TSC1: variants seen among roughly 807,000 people sequenced by gnomAD.
TSC1 encodes the protein hamartin.
Under a neutral mutation model 124.3 loss-of-function variants are expected in TSC1, and 20 were observed. That is an observed-to-expected ratio of 0.16 (90% CI 0.11 to 0.23). The LOEUF (loss-of-function observed/expected upper bound fraction) is 0.23. Among genes scored for constraint, TSC1 ranks in the 10% least tolerant of loss-of-function variants. TSC1 has a pLI of 1.00. For missense variants in TSC1, 1,124 were observed against 1,448.5 expected, an observed-to-expected ratio of 0.78 and a Z score of 3.64; for synonymous variants, 493 against 539.1, an observed-to-expected ratio of 0.91 and a Z score of 1.19.
chr9:132,924,674 T>C (rs958408837), intron 5 of TSC1: 2 of 152,244 alleles, frequency 1.3e-5, no homozygotes, highest in African/African-American at 4.8e-5. Context: ...TAGATTATAT[T>C]CTCACCAATC....
chr9:132,929,039 G>A (rs569721061), intron 2 of TSC1, 87 bp from the exon 3 acceptor site: 21 of 1,197,918 alleles, frequency 1.8e-5, no homozygotes, highest in African/African-American at 7.7e-5. Flanking sequence ...ACTAATGCAC[G>A]TGTTCAATGC....
intron 12 of TSC1, among the ~76,000 whole-genome samples, chr9:132,908,773 T>A (rs988816710): frequency 6.6e-6 from 1 of 152,182 alleles, no homozygotes; most frequent in Admixed American, 6.5e-5. Context: ...GTTGACAGAC[T>A]TTTCAAATAA....
At chr9:132,927,422 T>C in intron 3 of TSC1, 118 bp from the exon 4 acceptor site, 1 of 916,150 alleles carries the variant, frequency 1.1e-6, no homozygotes, top group Non-Finnish European at 1.7e-6. Context: ...TTCTAAGTTT[T>C]GTGCAGCATT....
At position 132,897,488 on chromosome 9, in the gene TSC1, C is replaced by G. The variant is rs1588290553; in HGVS notation, c.2748G>C (p.Leu916=). 1.2e-6 allele frequency: 2 copies of G among 1,613,906 alleles called. No individual in the cohort carries two copies. The highest frequency in any genetic ancestry group is 3.3e-5 in the Admixed American group (2 of 59,998). ...CCAAAAGAAGGTGGTCTTTCTTGGCCAGGTGAGATTCCAGTTCCAAAATCC... is the reference window on the plus strand; with the variant it reads ...CCAAAAGAAGGTGGTCTTTCTTGGCGAGGTGAGATTCCAGTTCCAAAATCC... ...QKRILELESH[L]AKKDHLLLEQ... Residue 916 remains leucine (L), a synonymous_variant, in exon 21 of 23, where the codon CTG becomes CTC. Transcript: ENST00000298552.
chr9:132,932,049 C>T (rs1047344108), intron 2 of TSC1, among the ~76,000 whole-genome samples: 1 of 152,208 alleles, frequency 6.6e-6, no homozygotes, highest in African/African-American at 2.4e-5. Context: ...TTGGAAGTAA[C>T]TCACCATAGA....
At chr9:132,901,772 GC>G in intron 18 of TSC1, 73 bp from the exon 19 acceptor site, 1 of 1,365,620 alleles carries the variant, frequency 7.3e-7, no homozygotes, top group Non-Finnish European at 1.0e-6. Context: ...CTAGCCACCA[GC>G]CCACAGAGGA....
At position 132,928,761 on chromosome 9, in the gene TSC1, G is replaced by C. The variant is rs746774454; in HGVS notation, c.106+6C>G. On this transcript the variant is annotated splice_donor_region_variant and intron_variant, in intron 3 of 22. Coordinates refer to ENST00000298552, the MANE Select transcript of TSC1 (RefSeq NM_000368.5). The stretch of plus-strand genomic sequence containing the variant: ...GATAAGCTAAAAAGGATATTATTTT[G>C]CTAACCAGAATTGAGGTTCTCTTTA... 1.2e-6 allele frequency: 2 copies of C among 1,613,902 alleles called. No homozygotes were observed. Among genetic ancestry groups the C allele is most frequent in the South Asian group, 1.1e-5 (1 of 91,072 alleles).
rs901778262 is a variant in TSC1, at chr9:132,896,064, C to T, written c.*171G>A. The stretch of plus-strand genomic sequence containing the variant: ...GGGAAGGTCAAGAGGCATTTCAATG[C>T]CAGATCCAAAAACCGTTCTGCATTC... On this transcript the variant is annotated 3_prime_UTR_variant, in exon 23 of 23. Transcript: ENST00000298552. The surrounding 1 kb of genome is among the most constrained non-coding windows in gnomAD (Gnocchi z 4.5). 6 of 951,396 alleles carry T rather than the reference C, an allele frequency of 6.3e-6. No individual in the cohort carries two copies. The highest frequency in any genetic ancestry group is 2.4e-5 in the East Asian group (1 of 41,294). 58.9% of individuals were successfully genotyped at this position (951,396 alleles called of 1,614,324 possible).
Position 132,905,709 on chromosome 9 carries a change from C to G in TSC1, c.1869G>C (p.Lys623Asn). The G allele has an allele frequency of 1.2e-6, 2 of 1,614,180 alleles. No individual in the cohort carries two copies. The highest frequency in any genetic ancestry group is 1.7e-6 in the Non-Finnish European group (2 of 1,180,038). Residue 623 changes from lysine to asparagine, a missense_variant, in exon 15 of 23, where the codon AAG becomes AAC. Lys to Asn is a moderately conservative substitution (Grantham distance 94). This residue lies in a region of TSC1 where 321 missense variants were observed against 397.4 expected (regional missense o/e 0.81). Coordinates refer to ENST00000298552, the MANE Select transcript of TSC1 (RefSeq NM_000368.5). ...TTGCTTTCTTTAACAGCTCCTCAGT[C>G]TTCCTGATGACAAAATGATGGGCTG... The part of the protein sequence containing the change: ...PKTAHHFVIR[K>N]TEELLKKAKG...
At chr9:132,943,661 C>T (rs2132517355) in intron 1 of TSC1, 1 of 152,276 alleles carries the variant, frequency 6.6e-6, no homozygotes, top group Middle Eastern at 3.4e-3. Flanking sequence ...TTCTCTTTGT[C>T]GTGAGGACCA....
chr9:132,921,397 T>C lies in TSC1; in HGVS notation c.703A>G (p.Thr235Ala). Residue 235 changes from threonine (T) to alanine (A), a missense_variant, in exon 8 of 23, where the codon ACT becomes GCT. Thr to Ala is a moderately conservative substitution (Grantham distance 58). Coordinates refer to ENST00000298552, the MANE Select transcript of TSC1 (RefSeq NM_000368.5). The surrounding 1 kb of genome is among the most constrained non-coding windows in gnomAD (Gnocchi z 4.3). Reference protein sequence around the residue: ...EHVRIHPELVTGSKDHELDPR... With the variant: ...EHVRIHPELVAGSKDHELDPR... ...TCCAGTTCATGGTCCTTGGATCCAG[T>C]CACTAATTCCGGATGAATTCGCACA... 1 of 1,614,198 alleles carries C rather than the reference T, an allele frequency of 6.2e-7. No individual in the cohort carries two copies. Among genetic ancestry groups the C allele is most frequent in the African/African-American group, 1.3e-5 (1 of 75,074 alleles).
chr9:132,904,707 G>C (rs1845567997), intron 15 of TSC1, among the ~76,000 whole-genome samples: 1 of 152,180 alleles, frequency 6.6e-6, no homozygotes, highest in South Asian at 2.1e-4. Flanking sequence ...AACAAATCCA[G>C]AGCGGAGAGG....
In TSC1 at chr9:132,892,888, G is replaced by C. The variant is rs1844843968; in HGVS notation, c.*3347C>G. On this transcript the variant is annotated 3_prime_UTR_variant, in exon 23 of 23. Coordinates refer to ENST00000298552, the MANE Select transcript of TSC1 (RefSeq NM_000368.5). ...TTTATACATCCTCCCCTCAACAACTGCTAGAGTTTTATCTTTCCCAACAAA... is the reference window on the plus strand; with the variant it reads ...TTTATACATCCTCCCCTCAACAACTCCTAGAGTTTTATCTTTCCCAACAAA... 1 of 233,096 alleles carries C rather than the reference G, an allele frequency of 4.3e-6. No homozygotes were observed. Among genetic ancestry groups the C allele is most frequent in the African/African-American group, 2.2e-5 (1 of 45,294 alleles). 14.4% of individuals were successfully genotyped at this position (233,096 alleles called of 1,614,324 possible).
At chr9:132,932,071 C>T (rs1408799182) in intron 2 of TSC1, among the ~76,000 whole-genome samples, 2 of 152,198 alleles carry the variant, frequency 1.3e-5, no homozygotes, top group African/African-American at 4.8e-5. Context: ...AATAGCCATA[C>T]AGGAGAAGTT....
chr9:132,916,242 A>G (rs1468332604), intron 8 of TSC1, among the ~76,000 whole-genome samples: 1 of 152,134 alleles, frequency 6.6e-6, no homozygotes, highest in African/African-American at 2.4e-5. Context: ...CTGAGATCCA[A>G]TGAAATATGG....
intron 2 of TSC1, among the ~76,000 whole-genome samples, chr9:132,934,236 C>CT (rs1289766039): frequency 6.6e-6 from 1 of 152,228 alleles, no homozygotes; most frequent in Admixed American, 6.5e-5. Context: ...ATACACAGCT[C>CT]TGTTGCGCTT....
intron 15 of TSC1, among the ~76,000 whole-genome samples, chr9:132,904,788 T>C (rs1465894979): frequency 6.6e-6 from 1 of 152,168 alleles, no homozygotes; most frequent in Non-Finnish European, 1.5e-5. Flanking sequence ...AGAAACTGAG[T>C]AGTCAAACAC....
In TSC1 at chr9:132,900,726, C is replaced by T. The variant is rs746607455; in HGVS notation, c.2614G>A (p.Asp872Asn). The change falls in exon 20 of 23, where the codon GAT becomes AAT. Residue 872 changes from aspartate (D) to asparagine (N), a missense_variant. By Grantham distance (23) the Asp-to-Asn change is conservative (BLOSUM62 1). Around this residue, in one of 5 missense-constraint regions of TSC1, gnomAD observed 325 missense variants for 383.4 expected, o/e 0.85. Coordinates refer to ENST00000298552, the MANE Select transcript of TSC1 (RefSeq NM_000368.5). ...GAGCCCTGGCATACCTTTGTGGTATCTGAGTGCTTGTTCTGCAGTTGTTCC... is the reference window on the plus strand; with the variant it reads ...GAGCCCTGGCATACCTTTGTGGTATTTGAGTGCTTGTTCTGCAGTTGTTCC... The part of the protein sequence containing the change: ...YLEQLQNKHS[D>N]TTKEVEMMKA... The T allele has an allele frequency of 1.2e-6, 2 of 1,614,186 alleles. No homozygotes were observed. Among genetic ancestry groups the T allele is most frequent in the South Asian group, 1.1e-5 (1 of 91,078 alleles).
rs1588308804 is a variant in TSC1 at position 132,905,726 on chromosome 9, G to T, written c.1852C>A (p.His618Asn). The T allele has an allele frequency of 6.2e-7, 1 of 1,614,186 alleles. No individual in the cohort carries two copies. Residue 618 changes from histidine to asparagine, a missense_variant, in exon 15 of 23, where the codon CAT becomes AAT. Physicochemically the swap from His to Asn is moderately conservative, Grantham distance 68 (BLOSUM62 1). This residue lies in a region of TSC1 where 321 missense variants were observed against 397.4 expected (regional missense o/e 0.81). Transcript: ENST00000298552. ...FEVALPKTAH[H>N]FVIRKTEELL... ...TCCTCAGTCTTCCTGATGACAAAAT[G>T]ATGGGCTGTCTTTGGCAATGCCACC... is the stretch of plus-strand genomic sequence containing the variant.
Sources: gnomAD v4.1 joint callset for allele counts (sites outside exome capture counted in the v4.1 genomes callset) on GRCh38, gnomAD v4.1.1 for gene constraint, gnomAD v4.1.1 regional missense constraint, Gnocchi (gnomAD v3.1) non-coding constraint, MANE v1.5 for transcripts, NCBI Gene and HGNC (gene_info 2026-07-23, HGNC 2026-07-21) for gene names.